Variants in PUDP observed in about 807,000 individuals in gnomAD.
PUDP encodes the protein pseudouridine 5'-phosphatase.
In PUDP, 8 loss-of-function variants were observed where a neutral mutation model predicts 9.4. That is an observed-to-expected ratio of 0.85 (90% CI 0.50 to 1.53). PUDP has a LOEUF of 1.53. PUDP is among the 40% of genes most tolerant of loss of function. PUDP has a pLI of 0.00. For synonymous variants in PUDP, 99 were observed against 80.7 expected (o/e 1.23, Z -1.22); for missense variants, 188 against 189.7 (o/e 0.99, Z 0.05).
At chrX:6,945,962 A>T (rs1314598557) in intron 3 of PUDP, among the ~76,000 whole-genome samples, 3 of 111,136 alleles carry the variant, frequency 2.7e-5, no homozygotes, top group Non-Finnish European at 5.7e-5. Context: ...TCCCTCGCTA[A>T]CCACCATTAG....
At chrX:6,996,958 C>T (rs959574415) in intron 1 of PUDP, among the ~76,000 whole-genome samples, 10 of 110,510 alleles carry the variant, frequency 9.0e-5, no homozygotes, top group East Asian at 5.6e-4. Context: ...CATGAGCCAC[C>T]GCACAAGGCC....
chrX:6,862,358 A>G (rs1341503934), intron 3 of PUDP, among the ~76,000 whole-genome samples: 1 of 112,377 alleles, frequency 8.9e-6, no homozygotes, highest in Non-Finnish European at 1.9e-5. Context: ...GCATGAGTTG[A>G]TGAATACCAC....
At chrX:6,961,799 T>G (rs1928712250) in intron 3 of PUDP, among the ~76,000 whole-genome samples, 1 of 111,857 alleles carries the variant, frequency 8.9e-6, no homozygotes, top group Admixed American at 9.5e-5. Context: ...AGCCTCATTC[T>G]TGCACTGCTC....
intron 3 of PUDP, among the ~76,000 whole-genome samples, chrX:6,793,865 G>C (rs954167276): frequency 7.2e-5 from 8 of 111,814 alleles, no homozygotes; most frequent in Non-Finnish European, 1.5e-4. Flanking sequence ...GAAAAGACTT[G>C]AAATTGGCTG....
chrX:6,751,064 C>CTTGCAGTGAGCCAAGTT (rs1276337072), intron 3 of PUDP, among the ~76,000 whole-genome samples: 1 of 109,438 alleles, frequency 9.1e-6, no homozygotes, highest in Admixed American at 9.8e-5. Flanking sequence ...ATGGTGTGAA[C>CTTGCAGTGAGCCAAGTT]CGGGGAGGCG....
intron 1 of PUDP, among the ~76,000 whole-genome samples, chrX:6,992,096 G>T (rs914138341): frequency 2.7e-5 from 3 of 110,469 alleles, no homozygotes; most frequent in Non-Finnish European, 5.7e-5. Context: ...AGACAGAACT[G>T]AAGTTTGGGT....
chrX:6,720,860 C>T (rs1161891657), intron 1 of PUDP, among the ~76,000 whole-genome samples: 1 of 110,725 alleles, frequency 9.0e-6, no homozygotes, highest in African/African-American at 3.3e-5. Flanking sequence ...TATTCTATGG[C>T]CCTGTGTTCT....
intron 3 of PUDP, among the ~76,000 whole-genome samples, chrX:6,902,790 C>T (rs939046658): frequency 9.0e-6 from 1 of 111,584 alleles, no homozygotes; most frequent in African/African-American, 3.3e-5. Context: ...CTTCAGTGTT[C>T]GCTCTCTGGA....
chrX:6,992,952 T>A (rs1929205034), intron 1 of PUDP, among the ~76,000 whole-genome samples: 1 of 111,795 alleles, frequency 8.9e-6, no homozygotes, highest in Non-Finnish European at 1.9e-5. Flanking sequence ...GCTGAATGCT[T>A]CCTGCCCTTG....
At chrX:7,112,571 G>C (rs1449589421) in intron 1 of PUDP, among the ~76,000 whole-genome samples, 1 of 112,296 alleles carries the variant, frequency 8.9e-6, no homozygotes, top group Non-Finnish European at 1.9e-5. Flanking sequence ...GTTCCTTAAA[G>C]ACACAAAATA....
chrX:7,119,159 A>G (rs1445751416), intron 1 of PUDP, among the ~76,000 whole-genome samples: 2 of 112,538 alleles, frequency 1.8e-5, no homozygotes, highest in East Asian at 2.8e-4. Context: ...GCAATGTTAC[A>G]AGCCAAGCAC....
In PUDP at chrX:6,801,901, C is replaced by T. The variant is rs1241983307; in HGVS notation, c.*248-95435G>A. 2.7e-5 allele frequency among the ~76,000 whole-genome samples: 3 copies of T among 111,803 alleles called. No individual in the cohort carries two copies. In the East Asian group the frequency reaches 8.4e-4, roughly 31 times the overall value. On this transcript the variant is annotated intron_variant and NMD_transcript_variant, in intron 3 of 3. Coordinates refer to the PUDP transcript ENST00000655425. ...GATGTGTTGGCTGCCTGTCAGACAGCATGACATAAAAGGAAACAAATACAG... is the reference window on the plus strand; with the variant it reads ...GATGTGTTGGCTGCCTGTCAGACAGTATGACATAAAAGGAAACAAATACAG...
chrX:7,092,661 G>T (rs778190311), intron 2 of PUDP, among the ~76,000 whole-genome samples: 1 of 111,764 alleles, frequency 8.9e-6, no homozygotes, highest in African/African-American at 3.3e-5. Context: ...AGGTCCCACC[G>T]TATAGAAGTG....
chrX:7,077,075 C>A (rs1486790342), intron 3 of PUDP, 145 bp downstream of exon 3: 72 of 958,197 alleles, frequency 7.5e-5, no homozygotes, highest in Non-Finnish European at 9.4e-5. Flanking sequence ...CATCTCCCTG[C>A]CCACATACCC....
chrX:7,057,688 C>T (rs745773136), intron 3 of PUDP: 2 of 1,152,294 alleles, frequency 1.7e-6, no homozygotes, highest in South Asian at 3.8e-5. Context: ...TGCACTGTGG[C>T]TGTGAGCTGG....
At chrX:7,132,117 G>A (rs1477210434) in intron 1 of PUDP, among the ~76,000 whole-genome samples, 1 of 104,971 alleles carries the variant, frequency 9.5e-6, no homozygotes, top group Non-Finnish European at 1.9e-5. Context: ...GCAGTCCCCT[G>A]AAGAACAGGG....
intron 1 of PUDP, among the ~76,000 whole-genome samples, chrX:6,720,093 T>C (rs966431325): frequency 1.9e-5 from 2 of 105,970 alleles, no homozygotes; most frequent in African/African-American, 3.4e-5. Flanking sequence ...ATAAAGAAAA[T>C]GTTTATACAT....
At chrX:7,050,995 G>A (rs150703030) in intron 3 of PUDP, among the ~76,000 whole-genome samples, 2 of 111,867 alleles carry the variant, frequency 1.8e-5, no homozygotes, top group African/African-American at 3.2e-5. Flanking sequence ...CGTAGTGTGC[G>A]TGCATGCTCT....
At chrX:6,838,487 G>A (rs934048064) in intron 3 of PUDP, among the ~76,000 whole-genome samples, 3 of 112,466 alleles carry the variant, frequency 2.7e-5, no homozygotes, top group Non-Finnish European at 5.6e-5. Context: ...GCAGATGGGT[G>A]TGGGTATGAT....
Sources: allele counts gnomAD v4.1 joint callset (sites outside exome capture counted in the v4.1 genomes callset), GRCh38; gene constraint gnomAD v4.1.1; transcripts MANE v1.5; gene names NCBI Gene and HGNC (gene_info 2026-07-23, HGNC 2026-07-21).